The following ZFP1 variants were observed in gnomAD, a reference collection of about 807,000 sequenced individuals.
ZFP1 encodes the protein ZFP1 zinc finger protein, also known as zinc finger protein 1 homolog.
ZFP1 carries 32 observed loss-of-function variants against 38.5 expected under a neutral mutation model. That is an observed-to-expected ratio of 0.83 (90% CI 0.63 to 1.12). The LOEUF (loss-of-function observed/expected upper bound fraction) is 1.12, where lower values mean the gene tolerates loss of function less well. Ranked by LOEUF, ZFP1 falls within the 50% of genes most tolerant of loss-of-function variation. The pLI, the probability that ZFP1 is intolerant of heterozygous loss-of-function variation, is 0.00. For missense variants in ZFP1, 616 were observed against 480.8 expected, an observed-to-expected ratio of 1.28 and a Z score of -2.63; for synonymous variants, 245 against 168.8, an observed-to-expected ratio of 1.45 and a Z score of -3.50.
the ZFP1 span, among the ~76,000 whole-genome samples, chr16:75,131,420 T>A: frequency 6.6e-6 from 1 of 152,194 alleles, no homozygotes; most frequent in Non-Finnish European, 1.5e-5. Context: ...ATGCGGCTGC[T>A]GTTCTTGAAG....
chr16:75,140,778 T>C, the ZFP1 span, among the ~76,000 whole-genome samples: 3 of 152,042 alleles, frequency 2.0e-5, no homozygotes, highest in Non-Finnish European at 4.4e-5. Flanking sequence ...GCTAACGCGG[T>C]GAAACCCCGT....
the ZFP1 span, among the ~76,000 whole-genome samples, chr16:75,141,685 G>A: frequency 6.6e-6 from 1 of 151,578 alleles, no homozygotes; most frequent in Non-Finnish European, 1.5e-5. Context: ...CCAGGAATTT[G>A]AGACCAGCCT....
the ZFP1 span, among the ~76,000 whole-genome samples, chr16:75,134,483 G>T: frequency 2.6e-5 from 4 of 151,800 alleles, no homozygotes; most frequent in African/African-American, 9.7e-5. Flanking sequence ...TGGGCTGGGC[G>T]CGGTGGCTCA....
rs1244690378 is a variant in ZFP1, at chr16:75,172,221, G to C, written c.*1887G>C. 2.0e-5 allele frequency: 3 copies of C among 152,164 alleles called. No individual in the cohort carries two copies. The highest frequency in any genetic ancestry group is 2.9e-5 in the Non-Finnish European group (2 of 68,038). The allele number at this position is 152,164 out of a possible 1,614,324, so 9.4% of individuals were successfully genotyped here. On this transcript the variant is annotated 3_prime_UTR_variant, in exon 4 of 4. Transcript: ENST00000570010. ...TGTGTAGCAGTTTTTATAAAATAAA[G>C]ATAAACCCTTATATATGTGTGTCTT... is the stretch of plus-strand genomic sequence containing the variant.
chr16:75,137,767 C>G, the ZFP1 span, among the ~76,000 whole-genome samples: 4 of 151,838 alleles, frequency 2.6e-5, no homozygotes, highest in African/African-American at 9.7e-5. Context: ...CGCCCGGCCC[C>G]AAAATATTCC....
intron 2 of ZFP1, among the ~76,000 whole-genome samples, chr16:75,157,505 A>G (rs994319659): frequency 6.6e-6 from 1 of 152,024 alleles, no homozygotes; most frequent in Admixed American, 6.5e-5. Flanking sequence ...CAGCCTCCCA[A>G]AATGCTAGGA....
chr16:75,157,395 C>A (rs2037524202), intron 2 of ZFP1, among the ~76,000 whole-genome samples: 2 of 151,878 alleles, frequency 1.3e-5, no homozygotes, highest in South Asian at 4.2e-4. Flanking sequence ...AGGTGTGTGC[C>A]ACTACACACG....
intron 2 of ZFP1, chr16:75,166,428 G>A (rs1334196056): frequency 7.3e-6 from 3 of 410,748 alleles, no homozygotes; most frequent in Non-Finnish European, 6.5e-6. Flanking sequence ...ATTTCACCAT[G>A]TTGTCCAGGC....
At chr16:75,159,131 A>G (rs1054033047) in intron 2 of ZFP1, among the ~76,000 whole-genome samples, 4 of 151,784 alleles carry the variant, frequency 2.6e-5, no homozygotes, top group Non-Finnish European at 5.9e-5. Context: ...TCCTGGGCTC[A>G]AGCAATCCAC....
the ZFP1 span, among the ~76,000 whole-genome samples, chr16:75,135,225 A>AAAAAAAAAAAAAAAAAAAAAAAAAT: frequency 6.7e-6 from 1 of 150,118 alleles, no homozygotes; most frequent in African/African-American, 2.4e-5. Context: ...AAAAAAAAAA[A>AAAAAAAAAAAAAAAAAAAAAAAAAT]AAAAAAAACC....
At chr16:75,137,385 G>A in the ZFP1 span, among the ~76,000 whole-genome samples, 1 of 151,364 alleles carries the variant, frequency 6.6e-6, no homozygotes, top group African/African-American at 2.4e-5. Flanking sequence ...GCTTAGGTGG[G>A]AAGATCACTT....
chr16:75,164,920 C>T (rs1033693302), intron 2 of ZFP1, among the ~76,000 whole-genome samples: 2 of 152,110 alleles, frequency 1.3e-5, no homozygotes, highest in Non-Finnish European at 2.9e-5. Flanking sequence ...ATTCTCCTGC[C>T]TCAGCCTCCT....
intron 1 of ZFP1, among the ~76,000 whole-genome samples, chr16:75,150,509 G>C (rs922148871): frequency 2.6e-5 from 4 of 152,160 alleles, no homozygotes; most frequent in African/African-American, 9.7e-5. Context: ...GTGAGCCATC[G>C]CACCCGGCCC....
chr16:75,133,308 C>T, the ZFP1 span, among the ~76,000 whole-genome samples: 510 of 152,072 alleles, frequency 3.4e-3, 2 homozygotes, highest in African/African-American at 0.012. Context: ...GGGGTACATG[C>T]GCAGATTTGT....
chr16:75,133,678 T>C, the ZFP1 span, among the ~76,000 whole-genome samples: 7 of 152,362 alleles, frequency 4.6e-5, no homozygotes, highest in East Asian at 5.8e-4. Context: ...AGAGGCTTGA[T>C]TGGATTCAGA....
chr16:75,161,732 C>T (rs1261323880), intron 2 of ZFP1, among the ~76,000 whole-genome samples: 10 of 94,522 alleles, frequency 1.1e-4, no homozygotes, highest in Non-Finnish European at 2.0e-4. Context: ...CACAGAAATA[C>T]AAATAAAGCA....
rs1159301978 is a variant in ZFP1 at position 75,158,334 on chromosome 16, A to AT, written c.15+5383dup. 1.2e-3 allele frequency among the ~76,000 whole-genome samples: 179 copies of AT among 144,070 alleles called. 1 individual carries two copies. The highest frequency in any genetic ancestry group is 3.6e-3 in the Middle Eastern group (1 of 278). 94.5% of individuals were successfully genotyped at this position (144,070 alleles called of 152,430 possible). A position where few individuals can be genotyped will look rare whatever the true frequency, so the allele number is the denominator to read the frequency against. ...TCCTTGATCCAGCCTATTTCTGTCTATTTTTTTTTTTTTTTAATTTTTTTT... is the reference window on the plus strand; with the variant it reads ...TCCTTGATCCAGCCTATTTCTGTCTATTTTTTTTTTTTTTTTAATTTTTTTT... On this transcript the variant is annotated intron_variant, in intron 2 of 3. Transcript: ENST00000570010.
In ZFP1 at chr16:75,166,795, C is replaced by A. The variant is rs773664855; in HGVS notation, c.41C>A (p.Thr14Asn). Reference protein sequence around the residue: ...SQGSVSFTDVTVDFTQEEWEQ... With the variant: ...SQGSVSFTDVNVDFTQEEWEQ... ...GGATCAGTTTCATTCACGGATGTGA[C>A]TGTGGACTTTACCCAGGAGGAATGG... is the stretch of plus-strand genomic sequence containing the variant. Residue 14 changes from threonine to asparagine, a missense_variant, in exon 3 of 4, where the codon ACT (threonine) becomes AAT (asparagine). Physicochemically the swap from Thr to Asn is moderately conservative, Grantham distance 65. Transcript: ENST00000570010. 2.5e-6 allele frequency: 4 copies of A among 1,614,140 alleles called. No homozygotes were observed. Among genetic ancestry groups the A allele is most frequent in the Non-Finnish European group, 2.5e-6 (3 of 1,180,022 alleles).
chr16:75,164,353 C>T (rs562901905), intron 2 of ZFP1, among the ~76,000 whole-genome samples: 1 of 152,118 alleles, frequency 6.6e-6, no homozygotes, highest in Middle Eastern at 3.2e-3. Context: ...CAGTACTTTC[C>T]TATTTTAAAC....
Sources: allele counts gnomAD v4.1 joint callset (sites outside exome capture counted in the v4.1 genomes callset), GRCh38; gene constraint gnomAD v4.1.1; transcripts MANE v1.5; gene names NCBI Gene and HGNC (gene_info 2026-07-23, HGNC 2026-07-21).